The following PRDM10 variants were observed in gnomAD, a reference collection of about 807,000 sequenced individuals.
PRDM10 encodes PR domain zinc finger protein 10.
Under a neutral mutation model 133.1 loss-of-function variants are expected in PRDM10, and 65 were observed. The observed-to-expected ratio is 0.49, with a 90% CI of 0.40 to 0.60. The LOEUF (loss-of-function observed/expected upper bound fraction) is 0.60. PRDM10 is among the 20% of genes least tolerant of loss of function. PRDM10 has a pLI of 0.00. For missense variants in PRDM10, 1,137 were observed against 1,507.1 expected, an observed-to-expected ratio of 0.75 and a Z score of 4.07; for synonymous variants, 582 against 580.4, an observed-to-expected ratio of 1.00 and a Z score of -0.04.
chr11:129,977,988 A>AAAGC (rs370296128), intron 1 of PRDM10, among the ~76,000 whole-genome samples: 9 of 151,678 alleles, frequency 5.9e-5, no homozygotes, highest in African/African-American at 1.9e-4. Context: ...AGAAAGAAAG[A>AAAGC]AAGCAGGAAA....
At chr11:129,928,400 G>C (rs570773556) in intron 11 of PRDM10, among the ~76,000 whole-genome samples, 1 of 151,732 alleles carries the variant, frequency 6.6e-6, no homozygotes, top group Non-Finnish European at 1.5e-5. Context: ...GTTTTGGGGG[G>C]GTTTTTTGAG....
At chr11:129,996,557 CCAA>C (rs768204737) in intron 1 of PRDM10, among the ~76,000 whole-genome samples, 1 of 152,152 alleles carries the variant, frequency 6.6e-6, no homozygotes, top group Non-Finnish European at 1.5e-5. Context: ...GCCCACAAAG[CCAA>C]CAACATTTAC....
intron 1 of PRDM10, among the ~76,000 whole-genome samples, chr11:129,970,835 G>A (rs1952005447): frequency 6.6e-6 from 1 of 152,002 alleles, no homozygotes; most frequent in South Asian, 2.1e-4. Context: ...CATGAATCAC[G>A]GCACCCGACC....
chr11:129,935,518 A>C (rs1041899051), intron 8 of PRDM10, among the ~76,000 whole-genome samples: 14 of 152,292 alleles, frequency 9.2e-5, no homozygotes, highest in African/African-American at 2.9e-4. Flanking sequence ...AAAACACATA[A>C]GATGTTACAA....
chr11:130,002,241 C>G (rs1939454070), intron 1 of PRDM10, among the ~76,000 whole-genome samples: 4 of 149,736 alleles, frequency 2.7e-5, no homozygotes, highest in Middle Eastern at 6.8e-3. Flanking sequence ...AGCGCGCAGG[C>G]CGCCCAACCG....
intron 2 of PRDM10, among the ~76,000 whole-genome samples, chr11:129,958,386 A>C (rs1374682408): frequency 6.6e-6 from 1 of 152,210 alleles, no homozygotes; most frequent in Non-Finnish European, 1.5e-5. Context: ...TCACACCTGT[A>C]ATCCCAGCAC....
chr11:129,971,756 C>T (rs1190700470), intron 1 of PRDM10, among the ~76,000 whole-genome samples: 1 of 152,280 alleles, frequency 6.6e-6, no homozygotes, highest in Non-Finnish European at 1.5e-5. Flanking sequence ...GACTCAGGAG[C>T]CCAGCTGGCT....
At chr11:129,909,566 A>C (rs577599944) in intron 19 of PRDM10, among the ~76,000 whole-genome samples, 7 of 152,318 alleles carry the variant, frequency 4.6e-5, no homozygotes, top group Non-Finnish European at 7.4e-5. Context: ...ACGGGCCCCC[A>C]AAAATAAATC....
At chr11:129,938,456 C>T (rs1348593452) in intron 7 of PRDM10, among the ~76,000 whole-genome samples, 6 of 152,180 alleles carry the variant, frequency 3.9e-5, no homozygotes, top group South Asian at 2.1e-4. Context: ...GCCTTTGATT[C>T]CTCCGCTTGC....
chr11:129,912,036 A>T (rs746408384), intron 18 of PRDM10, 49 bp downstream of exon 18: 16 of 1,495,620 alleles, frequency 1.1e-5, no homozygotes, highest in Non-Finnish European at 1.4e-5. Context: ...AACTCTGATA[A>T]TCCCTGAAGC....
intron 11 of PRDM10, among the ~76,000 whole-genome samples, chr11:129,925,879 C>T (rs1394623264): frequency 6.6e-6 from 1 of 152,108 alleles, no homozygotes; most frequent in Non-Finnish European, 1.5e-5. Flanking sequence ...GATTGCACAG[C>T]TTCAGAATGT....
At chr11:129,992,186 C>T (rs1489868418) in intron 1 of PRDM10, among the ~76,000 whole-genome samples, 1 of 152,204 alleles carries the variant, frequency 6.6e-6, no homozygotes, top group Non-Finnish European at 1.5e-5. Context: ...AATCCTTTAA[C>T]AGATGCAGCT....
chr11:129,960,752 A>G, intron 2 of PRDM10, 144 bp downstream of exon 2: 2 of 762,098 alleles, frequency 2.6e-6, no homozygotes, highest in Non-Finnish European at 4.2e-6. Flanking sequence ...GGGCCAAAAC[A>G]GTCCCTATTC....
chr11:129,902,580 G>T, intron 20 of PRDM10, 64 bp from the exon 21 acceptor site: 2 of 1,546,744 alleles, frequency 1.3e-6, no homozygotes, highest in East Asian at 2.3e-5. Context: ...AAGCTACTGG[G>T]GAAGGAGGGA....
intron 4 of PRDM10, among the ~76,000 whole-genome samples, chr11:129,951,206 T>A (rs113778499): frequency 1.8e-4 from 27 of 152,330 alleles, no homozygotes; most frequent in African/African-American, 6.0e-4. Context: ...TACTGAGTGC[T>A]AGGCAGGTAT....
intron 9 of PRDM10, 128 bp downstream of exon 9, chr11:129,934,973 C>T: frequency 1.4e-6 from 1 of 692,752 alleles, no homozygotes; most frequent in East Asian, 2.5e-5. Context: ...AACACCGTTC[C>T]CTCAGTAGCC....
At chr11:129,968,996 T>C (rs1286473357) in intron 1 of PRDM10, among the ~76,000 whole-genome samples, 2 of 152,114 alleles carry the variant, frequency 1.3e-5, no homozygotes, top group African/African-American at 4.8e-5. Context: ...AGGGTGTAAA[T>C]AGCAGATGCC....
intron 2 of PRDM10, among the ~76,000 whole-genome samples, chr11:129,960,266 C>T (rs1951771250): frequency 6.6e-6 from 1 of 152,172 alleles, no homozygotes; most frequent in South Asian, 2.1e-4. Flanking sequence ...ACTTTGGTCA[C>T]ACATAAAACA....
At chr11:129,932,349 C>G (rs1248176489) in intron 9 of PRDM10, 118 bp from the exon 10 acceptor site, 25 of 1,284,980 alleles carry the variant, frequency 1.9e-5, no homozygotes, top group Non-Finnish European at 2.5e-5. Flanking sequence ...TATTACTTTC[C>G]CAGATTTTCT....
Sources: gnomAD v4.1 joint callset for allele counts (sites outside exome capture counted in the v4.1 genomes callset) on GRCh38, gnomAD v4.1.1 for gene constraint, MANE v1.5 for transcripts, NCBI Gene and HGNC (gene_info 2026-07-23, HGNC 2026-07-21) for gene names.